FER: variants seen among roughly 807,000 people sequenced by gnomAD.
The protein encoded by FER is tyrosine-protein kinase Fer.
FER carries 63 observed loss-of-function variants against 111.0 expected under a neutral mutation model. The ratio of observed to expected loss-of-function variants is 0.57; its 90% CI spans 0.46 to 0.70. The LOEUF is 0.70. Ranked by LOEUF, FER falls within the 30% of genes least tolerant of loss-of-function variation. The pLI, the probability that FER is intolerant of heterozygous loss-of-function variation, is 0.00. For synonymous variants in FER, 327 were observed against 313.9 expected, an observed-to-expected ratio of 1.04 and a Z score of -0.44; for missense variants, 914 against 954.0, an observed-to-expected ratio of 0.96 and a Z score of 0.55.
intron 13 of FER, among the ~76,000 whole-genome samples, chr5:109,030,195 T>G (rs1371540139): frequency 6.6e-6 from 1 of 152,212 alleles, no homozygotes; most frequent in Non-Finnish European, 1.5e-5. Context: ...TTTCTATGGC[T>G]GAGATAATCT....
At chr5:108,968,977 A>T (rs554479647) in intron 13 of FER, among the ~76,000 whole-genome samples, 71 of 152,246 alleles carry the variant, frequency 4.7e-4, no homozygotes, top group African/African-American at 1.7e-3. Flanking sequence ...ATAAAAATAT[A>T]TTTATTCACC....
At chr5:108,844,211 A>G (rs1580833401) in intron 5 of FER, among the ~76,000 whole-genome samples, 1 of 129,820 alleles carries the variant, frequency 7.7e-6, no homozygotes, top group Non-Finnish European at 1.7e-5. Flanking sequence ...ACTTGAAAGT[A>G]TATTGTAACA....
At chr5:108,864,884 A>G (rs1016820974) in intron 5 of FER, among the ~76,000 whole-genome samples, 3 of 151,892 alleles carry the variant, frequency 2.0e-5, no homozygotes, top group Admixed American at 6.6e-5. Context: ...GTTTTTTCCA[A>G]TTCTTTGAAG....
intron 17 of FER, among the ~76,000 whole-genome samples, chr5:109,180,137 A>T (rs1366950091): frequency 6.6e-6 from 1 of 152,162 alleles, no homozygotes; most frequent in Non-Finnish European, 1.5e-5. Flanking sequence ...TATATTAATG[A>T]TAGGGAGACT....
intron 13 of FER, among the ~76,000 whole-genome samples, chr5:109,011,167 A>C (rs974958584): frequency 6.6e-6 from 1 of 152,184 alleles, no homozygotes; most frequent in Non-Finnish European, 1.5e-5. Context: ...TTCAAATTAT[A>C]TAATCAGCTT....
intron 2 of FER, among the ~76,000 whole-genome samples, chr5:108,771,669 A>G (rs1371162834): frequency 6.6e-6 from 1 of 152,168 alleles, no homozygotes. Flanking sequence ...ATGAACACCT[A>G]TATTACCTTT....
intron 2 of FER, among the ~76,000 whole-genome samples, chr5:108,776,200 TGGG>T (rs1753467118): frequency 6.6e-6 from 1 of 152,160 alleles, no homozygotes; most frequent in South Asian, 2.1e-4. Context: ...GAATATATGT[TGGG>T]GGAAGAATGA....
At chr5:108,860,193 A>T (rs1336698235) in intron 5 of FER, among the ~76,000 whole-genome samples, 2 of 151,730 alleles carry the variant, frequency 1.3e-5, no homozygotes, top group Admixed American at 1.3e-4. Context: ...CTTCCACCTC[A>T]GTCCCCCAAA....
intron 13 of FER, among the ~76,000 whole-genome samples, chr5:108,972,959 T>G (rs1240741944): frequency 6.6e-6 from 1 of 152,156 alleles, no homozygotes; most frequent in South Asian, 2.1e-4. Context: ...TCATAAATGT[T>G]TTTGAGTACA....
At chr5:108,898,390 T>C (rs116467856) in intron 10 of FER, among the ~76,000 whole-genome samples, 246 of 152,204 alleles carry the variant, frequency 1.6e-3, no homozygotes, top group African/African-American at 5.6e-3. Flanking sequence ...GAATGCCTAG[T>C]ATAAAGTCTT....
At chr5:109,117,235 A>G (rs889759587) in intron 17 of FER, among the ~76,000 whole-genome samples, 1 of 152,154 alleles carries the variant, frequency 6.6e-6, no homozygotes, top group Non-Finnish European at 1.5e-5. Context: ...TGTTTAGTCT[A>G]CTTAAGTCTA....
intron 13 of FER, among the ~76,000 whole-genome samples, chr5:108,991,373 A>G (rs752570061): frequency 2.0e-5 from 3 of 152,064 alleles, no homozygotes; most frequent in Non-Finnish European, 2.9e-5. Context: ...ATTATAGACA[A>G]TGAAGTGTCA....
intron 16 of FER, among the ~76,000 whole-genome samples, chr5:109,047,885 A>G (rs752353946): frequency 6.6e-6 from 1 of 152,192 alleles, no homozygotes; most frequent in Non-Finnish European, 1.5e-5. Context: ...CAACACCTTT[A>G]TGTTAACAAC....
chr5:108,855,106 T>TG (rs1171854862), intron 5 of FER, among the ~76,000 whole-genome samples: 1 of 152,084 alleles, frequency 6.6e-6, no homozygotes, highest in Non-Finnish European at 1.5e-5. Context: ...GTGGGAAGAC[T>TG]GGTTTTTAGA....
At chr5:108,807,257 C>T (rs1757300433) in intron 3 of FER, among the ~76,000 whole-genome samples, 1 of 152,196 alleles carries the variant, frequency 6.6e-6, no homozygotes. Context: ...ACTGTAAGTC[C>T]AGTTAAACCT....
chr5:108,897,145 C>A (rs926061036), intron 9 of FER, among the ~76,000 whole-genome samples: 1 of 152,184 alleles, frequency 6.6e-6, no homozygotes, highest in African/African-American at 2.4e-5. Flanking sequence ...CCAGTTACAT[C>A]TTAGCCCTTA....
At position 108,819,799 on chromosome 5, in the gene FER, T is replaced by C. The variant is rs183723023; in HGVS notation, c.208-12971T>C. The C allele has an allele frequency of 8.1e-4, 796 of 985,114 alleles. 18 individuals carry two copies. In the Admixed American group the frequency reaches 0.044, roughly 55 times the overall value. The allele number at this position is 985,114 out of a possible 1,614,324, so 61.0% of individuals were successfully genotyped here. ...AGAAGAAGGAAGTGTCTTGAGTATA[T>C]AGATTAGTTTATACCTTCTGGGAGT... On this transcript the variant is annotated intron_variant, in intron 3 of 19. Transcript: ENST00000281092.
chr5:109,152,672 C>T (rs1196215698), intron 17 of FER, among the ~76,000 whole-genome samples: 3 of 151,796 alleles, frequency 2.0e-5, no homozygotes, highest in East Asian at 3.9e-4. Context: ...AATAACTTCA[C>T]GGTGAAATTA....
Position 109,183,248 on chromosome 5 carries a change from G to GTTTTTTTT in FER, c.2203+2358_2203+2365dup, listed in dbSNP as rs10682212. ...GAAGATTGACTCTAAATCCTAGCGT[G>GTTTTTTTT]TTTTTTTTTTTTTTTTTTGAGATGG... On this transcript the variant is annotated intron_variant, in intron 18 of 19. Coordinates refer to ENST00000281092, the MANE Select transcript of FER (RefSeq NM_005246.4). 1.4e-4 allele frequency among the ~76,000 whole-genome samples: 16 copies of GTTTTTTTT among 115,660 alleles called. 1 individual carries two copies. Among genetic ancestry groups the GTTTTTTTT allele is most frequent in the African/African-American group, 2.0e-4 (6 of 29,780 alleles). The allele number at this position is 115,660 out of a possible 152,430, so 75.9% of individuals were successfully genotyped here.
Sources: gnomAD v4.1 joint callset for allele counts (sites outside exome capture counted in the v4.1 genomes callset) on GRCh38, gnomAD v4.1.1 for gene constraint, MANE v1.5 for transcripts, NCBI Gene and HGNC (gene_info 2026-07-23, HGNC 2026-07-21) for gene names.